Variants in ASTN1 observed in about 807,000 individuals in gnomAD.
ASTN1 encodes the protein astrotactin 1.
ASTN1 carries 41 observed loss-of-function variants against 140.7 expected under a neutral mutation model. The observed-to-expected ratio is 0.29, with a 90% CI of 0.23 to 0.38. ASTN1 has a LOEUF of 0.38. Among genes scored for constraint, ASTN1 ranks in the 10% least tolerant of loss-of-function variants. The pLI, the probability that ASTN1 is intolerant of heterozygous loss-of-function variation, is 1.00. For missense variants in ASTN1, 1,479 were observed against 1,678.8 expected (o/e 0.88, Z 2.08); for synonymous variants, 640 against 652.2 (o/e 0.98, Z 0.29).
chr1:177,036,666 G>A (rs184643017), intron 2 of ASTN1, among the ~76,000 whole-genome samples: 15 of 152,048 alleles, frequency 9.9e-5, no homozygotes, highest in Admixed American at 3.3e-4. Flanking sequence ...CAGGTAGCAC[G>A]TAGGAAGAAA....
At chr1:177,049,531 T>C (rs900103041) in intron 2 of ASTN1, among the ~76,000 whole-genome samples, 1 of 152,116 alleles carries the variant, frequency 6.6e-6, no homozygotes, top group African/African-American at 2.4e-5. Flanking sequence ...GCCTCTCCTA[T>C]GTAGATGAGC....
chr1:177,105,190 AT>A (rs1680493202), intron 1 of ASTN1, among the ~76,000 whole-genome samples: 1 of 152,138 alleles, frequency 6.6e-6, no homozygotes, highest in Admixed American at 6.5e-5. Flanking sequence ...ATTAAATAAT[AT>A]GCTTGTACGG....
At chr1:176,985,316 C>G (rs1189560078) in intron 8 of ASTN1, among the ~76,000 whole-genome samples, 3 of 152,110 alleles carry the variant, frequency 2.0e-5, no homozygotes, top group Non-Finnish European at 4.4e-5. Context: ...GTCTTTGAGT[C>G]CTCCCCCAGC....
chr1:176,939,541 G>A (rs891703951), intron 14 of ASTN1, among the ~76,000 whole-genome samples: 1 of 152,068 alleles, frequency 6.6e-6, no homozygotes, highest in South Asian at 2.1e-4. Context: ...TAAAAAGAAA[G>A]GGGTATTTTA....
intron 1 of ASTN1, among the ~76,000 whole-genome samples, chr1:177,121,189 T>TC (rs1407834805): frequency 1.3e-5 from 2 of 152,040 alleles, no homozygotes; most frequent in Non-Finnish European, 2.9e-5. Flanking sequence ...CCAAATATCA[T>TC]CATAATCCTA....
intron 18 of ASTN1, among the ~76,000 whole-genome samples, chr1:176,887,004 G>A (rs1026327492): frequency 1.1e-4 from 17 of 152,084 alleles, no homozygotes; most frequent in Non-Finnish European, 2.2e-4. Context: ...GTTCTGTTTC[G>A]TCTTCCATTG....
intron 1 of ASTN1, among the ~76,000 whole-genome samples, chr1:177,118,191 A>C (rs1681191470): frequency 6.6e-6 from 1 of 152,136 alleles, no homozygotes; most frequent in African/African-American, 2.4e-5. Context: ...GAATGAATAA[A>C]AGAGTAAATA....
Position 177,117,464 on chromosome 1 carries a change from T to C in ASTN1, c.283+46930A>G, listed in dbSNP as rs1383462140. ...CGAGAATCTACTGCGTGCCAGGCAC[T>C]GGGTTGAGCTCTTGGGGTATATAAG... On this transcript the variant is annotated intron_variant, in intron 1 of 22. Transcript: ENST00000361833. 6.6e-5 allele frequency among the ~76,000 whole-genome samples: 10 copies of C among 151,978 alleles called. 1 individual carries two copies. The East Asian group carries it at 1.7e-3, about 26-fold the overall frequency.
intron 16 of ASTN1, among the ~76,000 whole-genome samples, chr1:176,915,877 C>G (rs1472496825): frequency 6.6e-6 from 1 of 152,094 alleles, no homozygotes; most frequent in South Asian, 2.1e-4. Flanking sequence ...GAATTAAAAC[C>G]AATTAAAAGA....
intron 8 of ASTN1, among the ~76,000 whole-genome samples, chr1:176,987,147 T>C (rs1571609778): frequency 6.6e-6 from 1 of 152,274 alleles, no homozygotes; most frequent in African/African-American, 2.4e-5. Context: ...CAACCCCAAA[T>C]GTCCATAGTG....
rs780345173 is a variant in ASTN1, at chr1:177,164,374, C to T, written c.283+20G>A. On this transcript the variant is annotated intron_variant, in intron 1 of 22. Coordinates refer to ENST00000361833, the MANE Select transcript of ASTN1 (RefSeq NM_004319.3). ...GCCGGTCCAGCGCCTCCGGCCGCCTCGACCTCCCCCGGGACTCACCCAGCA... is the reference window on the plus strand; with the variant it reads ...GCCGGTCCAGCGCCTCCGGCCGCCTTGACCTCCCCCGGGACTCACCCAGCA... 2.6e-6 allele frequency: 4 copies of T among 1,549,010 alleles called. No individual in the cohort carries two copies. Among genetic ancestry groups the T allele is most frequent in the Non-Finnish European group, 2.6e-6 (3 of 1,146,674 alleles).
chr1:177,133,085 T>C (rs563807229), intron 1 of ASTN1, among the ~76,000 whole-genome samples: 56 of 152,364 alleles, frequency 3.7e-4, no homozygotes, highest in Non-Finnish European at 6.8e-4. Context: ...TATCTGTGCC[T>C]GTCCAGCTGA....
chr1:176,864,303 C>T lies in ASTN1; in HGVS notation c.3866G>A (p.Gly1289Glu). ...ATGGTGCTAGATCTCTTTGCTGTCC[C>T]CATAGTCGTTGTAGGGGATACTCAG... The part of the protein sequence containing the change: ...QTLSIPYNDY[G>E]DSKEI The change falls in exon 23 of 23, where the codon GGG becomes GAG. Residue 1289 changes from glycine (G) to glutamate (E), a missense_variant. Gly to Glu is a moderately conservative substitution (Grantham distance 98). This residue lies in a region of ASTN1 where 746 missense variants were observed against 800.9 expected (regional missense o/e 0.93). Coordinates refer to ENST00000361833, the MANE Select transcript of ASTN1 (RefSeq NM_004319.3). The T allele has an allele frequency of 1.9e-6, 3 of 1,613,996 alleles. No individual in the cohort carries two copies. Among genetic ancestry groups the T allele is most frequent in the Non-Finnish European group, 1.7e-6 (2 of 1,179,992 alleles).
intron 2 of ASTN1, among the ~76,000 whole-genome samples, chr1:177,038,092 C>T (rs1676811027): frequency 6.6e-6 from 1 of 152,112 alleles, no homozygotes; most frequent in Admixed American, 6.6e-5. Flanking sequence ...TATGCTTATC[C>T]CAGTCCTCTG....
chr1:176,888,150 T>C lies in ASTN1; in HGVS notation c.2995A>G (p.Ile999Val), dbSNP rs1356727324. 1 of 1,614,014 alleles carries C rather than the reference T, an allele frequency of 6.2e-7. No individual in the cohort carries two copies. The highest frequency in any genetic ancestry group is 1.3e-5 in the African/African-American group (1 of 74,918). Reference sequence around the variant, plus strand: ...GAGTCACATCGACACCAGTCCTCGATGACATCTCCAGTCCCTGAGCACCAG... The same window carrying C: ...GAGTCACATCGACACCAGTCCTCGACGACATCTCCAGTCCCTGAGCACCAG... ...SLWCSGTGDV[I>V]EDWCRCDSTA... Residue 999 changes from isoleucine to valine, a missense_variant, in exon 18 of 23, where the codon ATC (isoleucine) becomes GTC (valine). Coordinates refer to ENST00000361833, the MANE Select transcript of ASTN1 (RefSeq NM_004319.3).
chr1:177,037,135 A>C (rs1345788779), intron 2 of ASTN1, among the ~76,000 whole-genome samples: 1 of 152,110 alleles, frequency 6.6e-6, no homozygotes, highest in Non-Finnish European at 1.5e-5. Context: ...CATTATTTTT[A>C]ATCTTACTAC....
intron 1 of ASTN1, among the ~76,000 whole-genome samples, chr1:177,113,135 T>C (rs1680902373): frequency 6.6e-6 from 1 of 152,106 alleles, no homozygotes; most frequent in African/African-American, 2.4e-5. Flanking sequence ...GAAAACTGCC[T>C]CTCATGAACT....
Position 176,965,155 on chromosome 1 carries a change from T to C in ASTN1, c.1598+8A>G. The C allele has an allele frequency of 6.2e-7, 1 of 1,613,324 alleles. No homozygotes were observed. The highest frequency in any genetic ancestry group is 8.5e-7 in the Non-Finnish European group (1 of 1,179,370). ...CGTACATAAGCAAGTCCCTAGACAA[T>C]CACTTACCTAAATATTTTATCAGAG... On this transcript the variant is annotated splice_region_variant and intron_variant, in intron 9 of 22. Coordinates refer to ENST00000361833, the MANE Select transcript of ASTN1 (RefSeq NM_004319.3).
chr1:176,874,103 G>T (rs1380918018), intron 21 of ASTN1, among the ~76,000 whole-genome samples: 1 of 152,124 alleles, frequency 6.6e-6, no homozygotes, highest in Non-Finnish European at 1.5e-5. Context: ...TGTACTACCT[G>T]CAAGGACACC....
Sources: allele counts gnomAD v4.1 joint callset (sites outside exome capture counted in the v4.1 genomes callset), GRCh38; gene constraint gnomAD v4.1.1; regional missense constraint gnomAD v4.1.1; transcripts MANE v1.5; gene names NCBI Gene and HGNC (gene_info 2026-07-23, HGNC 2026-07-21).